The following WDR90 variants were observed in gnomAD, a reference collection of about 807,000 sequenced individuals.
WDR90 encodes the protein WD repeat domain 90, also known as WD repeat-containing protein 90.
A neutral mutation model predicts 195.2 loss-of-function variants in WDR90; 238 were observed. The observed-to-expected ratio is 1.22, with a 90% CI of 1.10 to 1.36. The LOEUF is 1.36. WDR90 is among the 40% of genes most tolerant of loss of function. WDR90 has a pLI of 0.00. For synonymous variants in WDR90, 1,265 were observed against 1,052.4 expected (o/e 1.20, Z -3.91); for missense variants, 2,734 against 2,439.5 (o/e 1.12, Z -2.54).
At chr16:665,881 C>T (rs567738570) in intron 35 of WDR90, 69 bp from the exon 36 acceptor site, 2 of 1,553,838 alleles carry the variant, frequency 1.3e-6, no homozygotes, top group Admixed American at 1.8e-5. Context: ...GCCGCCTCCT[C>T]CCTCTGGCCT....
Position 651,680 on chromosome 16 carries a change from C to T in WDR90, c.773C>T (p.Pro258Leu), listed in dbSNP as rs773855468. Reference protein sequence around the residue: ...LGPGPQPLPCPVASSKPVRFS... With the variant: ...LGPGPQPLPCLVASSKPVRFS... The stretch of plus-strand genomic sequence containing the variant: ...CCGGGGCCACAGCCTCTCCCTTGCC[C>T]GGTGGCCTCCAGCAAACCTGTGCGG... Residue 258 changes from proline (P) to leucine (L), a missense_variant, in exon 8 of 41, where the codon CCG becomes CTG. Physicochemically the swap from Pro to Leu is moderately conservative, Grantham distance 98. Coordinates refer to ENST00000293879, the MANE Select transcript of WDR90 (RefSeq NM_145294.5). The T allele has an allele frequency of 5.5e-5, 89 of 1,612,956 alleles. No homozygotes were observed. The highest frequency in any genetic ancestry group is 4.2e-4 in the Admixed American group (25 of 60,026).
intron 34 of WDR90, 92 bp from the exon 35 acceptor site, chr16:665,587 A>G (rs772955555): frequency 6.3e-7 from 1 of 1,599,290 alleles, no homozygotes. Flanking sequence ...TGGTTTGGAC[A>G]GCCCGGCCCT....
At chr16:660,871 G>C (rs867824833) in intron 28 of WDR90, 157 bp downstream of exon 28, 19 of 908,108 alleles carry the variant, frequency 2.1e-5, no homozygotes, top group Middle Eastern at 6.9e-4. Flanking sequence ...TCCAGCCGAG[G>C]TCCTGTGAAG....
chr16:653,464 C>G lies in WDR90; in HGVS notation c.1233+13C>G, dbSNP rs371142445. On this transcript the variant is annotated intron_variant, in intron 11 of 40. Coordinates refer to ENST00000293879, the MANE Select transcript of WDR90 (RefSeq NM_145294.5). ...CCACACAGACAAGGTGGGTGCTGCC[C>G]GGGCCTGGGGCAGCTCACACCTGCA... The G allele has an allele frequency of 3.1e-6, 5 of 1,612,332 alleles. No individual in the cohort carries two copies. The highest frequency in any genetic ancestry group is 1.7e-5 in the Admixed American group (1 of 59,850).
chr16:655,055 G>C lies in WDR90; in HGVS notation c.1464G>C (p.Gln488His). ...TGGTGGTGGCCTGGGGCACCGGCCA[G>C]GTGGGCCTCGGTGGCGAGGTGGTCG... ...RTMVVAWGTG[Q>H]VGLGGEVVVL... Residue 488 changes from glutamine to histidine, a missense_variant, in exon 14 of 41, where the codon CAG (glutamine) becomes CAC (histidine). Physicochemically the swap from Gln to His is conservative, Grantham distance 24 (BLOSUM62 0). Coordinates refer to ENST00000293879, the MANE Select transcript of WDR90 (RefSeq NM_145294.5). 3 of 1,612,744 alleles carry C rather than the reference G, an allele frequency of 1.9e-6. No individual in the cohort carries two copies. The highest frequency in any genetic ancestry group is 2.2e-5 in the South Asian group (2 of 91,082).
intron 10 of WDR90, 28 bp downstream of exon 10, chr16:652,563 C>A: frequency 6.3e-7 from 1 of 1,584,658 alleles, no homozygotes. Flanking sequence ...GTGTCCAGAG[C>A]AGCTCTCGTT....
chr16:666,269 C>G lies in WDR90; in HGVS notation c.4659C>G (p.His1553Gln), dbSNP rs1009241349. 1.7e-5 allele frequency: 27 copies of G among 1,612,726 alleles called. No homozygotes were observed. Among genetic ancestry groups the G allele is most frequent in the Non-Finnish European group, 2.3e-5 (27 of 1,179,982 alleles). Residue 1553 changes from histidine (H) to glutamine (Q), a missense_variant, in exon 37 of 41, where the codon CAC becomes CAG. Transcript: ENST00000293879. ...GDKDGLVAVS[H>Q]PCTGTTFRVL... ...AGGATGGGCTCGTGGCTGTGAGCCA[C>G]CCCTGCACAGGGACAACCTTCCGTG...
rs753617422 is a variant in WDR90 at position 656,338 on chromosome 16, C to G, written c.2003C>G (p.Pro668Arg). Residue 668 changes from proline to arginine, a missense_variant, in exon 18 of 41, where the codon CCC becomes CGC. Physicochemically the swap from Pro to Arg is moderately radical, Grantham distance 103. Coordinates refer to ENST00000293879, the MANE Select transcript of WDR90 (RefSeq NM_145294.5). Reference protein sequence around the residue: ...EGPVSSVCVSPDGLRVLSATS... With the variant: ...EGPVSSVCVSRDGLRVLSATS... ...CCCGTCAGCTCAGTCTGTGTCAGCC[C>G]CGATGGCCTCCGTGTGCTGTCTGCC... is the stretch of plus-strand genomic sequence containing the variant. 1.2e-6 allele frequency: 2 copies of G among 1,609,506 alleles called. No homozygotes were observed. Among genetic ancestry groups the G allele is most frequent in the South Asian group, 2.2e-5 (2 of 90,946 alleles).
At chr16:657,388 G>C (rs1351884211) in intron 20 of WDR90, 167 bp downstream of exon 20, 20 of 1,144,292 alleles carry the variant, frequency 1.7e-5, no homozygotes, top group Non-Finnish European at 2.2e-5. Context: ...AGGAGACTGT[G>C]GTTTAGCGTT....
chr16:650,391 C>T (rs201217721), intron 4 of WDR90, 29 bp downstream of exon 4: 83 of 1,601,798 alleles, frequency 5.2e-5, no homozygotes, highest in Non-Finnish European at 6.3e-5. Flanking sequence ...GTGGATGATC[C>T]AGGACAGGTG....
In WDR90 at chr16:659,071, C is replaced by T. The variant is rs1157786705; in HGVS notation, c.3012-15C>T. On this transcript the variant is annotated splice_polypyrimidine_tract_variant and intron_variant, in intron 24 of 40. Coordinates refer to ENST00000293879, the MANE Select transcript of WDR90 (RefSeq NM_145294.5). The stretch of plus-strand genomic sequence containing the variant: ...CCCCCAGGCCCTCCTGAAACCCTCT[C>T]TCCTCCCTCTCCAGCGACCAAAGCT... 1 of 1,613,216 alleles carries T rather than the reference C, an allele frequency of 6.2e-7. No individual in the cohort carries two copies. The highest frequency in any genetic ancestry group is 8.5e-7 in the Non-Finnish European group (1 of 1,179,968).
Position 658,896 on chromosome 16 carries a change from G to A in WDR90, c.2896G>A (p.Val966Met), listed in dbSNP as rs765429400. Residue 966 changes from valine to methionine, a missense_variant and splice_region_variant, in exon 24 of 41, where the codon GTG (valine) becomes ATG (methionine). Coordinates refer to ENST00000293879, the MANE Select transcript of WDR90 (RefSeq NM_145294.5). ...YATQASPGPQ[V>M]YIGHSEPVQA... Reference sequence around the variant, plus strand: ...CTGCATGTGACGCCGCTACCCCTAGGTGTACATCGGCCACTCGGAACCCGT... The same window carrying A: ...CTGCATGTGACGCCGCTACCCCTAGATGTACATCGGCCACTCGGAACCCGT... The A allele has an allele frequency of 1.9e-6, 3 of 1,611,702 alleles. No homozygotes were observed. Among genetic ancestry groups the A allele is most frequent in the South Asian group, 1.1e-5 (1 of 91,076 alleles).
rs745308705 is a variant in WDR90 at position 666,277 on chromosome 16, C to T, written c.4667C>T (p.Thr1556Ile). 1.9e-6 allele frequency: 3 copies of T among 1,612,760 alleles called. No homozygotes were observed. Among genetic ancestry groups the T allele is most frequent in the South Asian group, 1.1e-5 (1 of 91,092 alleles). Reference sequence around the variant, plus strand: ...CTCGTGGCTGTGAGCCACCCCTGCACAGGGACAACCTTCCGTGTGCTGAGT... The same window carrying T: ...CTCGTGGCTGTGAGCCACCCCTGCATAGGGACAACCTTCCGTGTGCTGAGT... ...DGLVAVSHPC[T>I]GTTFRVLSDH... The change falls in exon 37 of 41, where the codon ACA becomes ATA. Residue 1556 changes from threonine to isoleucine, a missense_variant. Thr to Ile is a moderately conservative substitution (Grantham distance 89). Coordinates refer to ENST00000293879, the MANE Select transcript of WDR90 (RefSeq NM_145294.5).
chr16:654,060 C>T (rs1189242413), intron 13 of WDR90: 21 of 524,914 alleles, frequency 4.0e-5, no homozygotes, highest in East Asian at 3.7e-4. Flanking sequence ...TTACACACCT[C>T]GCCTCGTTCT....
chr16:659,016 G>A lies in WDR90; in HGVS notation c.3011+5G>A. On this transcript the variant is annotated splice_donor_5th_base_variant and intron_variant, in intron 24 of 40. Coordinates refer to ENST00000293879, the MANE Select transcript of WDR90 (RefSeq NM_145294.5). Reference sequence around the variant, plus strand: ...TGTCCTGGCCCCTACTGAGAGGCAAGTGCCTACTCTCAGCTGTGTCTGCCT... The same window carrying A: ...TGTCCTGGCCCCTACTGAGAGGCAAATGCCTACTCTCAGCTGTGTCTGCCT... 6.2e-7 allele frequency: 1 copy of A among 1,613,220 alleles called. No homozygotes were observed. The highest frequency in any genetic ancestry group is 1.7e-5 in the Admixed American group (1 of 60,016).
At position 651,829 on chromosome 16, in the gene WDR90, C is replaced by A. The variant is rs376039715; in HGVS notation, c.843C>A (p.Ser281=). 6.2e-7 allele frequency: 1 copy of A among 1,610,188 alleles called. No individual in the cohort carries two copies. Among genetic ancestry groups the A allele is most frequent in the African/African-American group, 1.3e-5 (1 of 74,930 alleles). Residue 281 remains serine, a splice_region_variant and synonymous_variant, in exon 9 of 41, where the codon TCC becomes TCA. Transcript: ENST00000293879. ...GATGGGCACTTGTCCCCCAGCAGTC[C>A]GGCCGGGCCGCCTTGGCACCCAGGC... The part of the protein sequence containing the change: ...PVVQTPSPTA[S]GRAALAPRPF...
At chr16:661,821 G>T in intron 31 of WDR90, 34 bp downstream of exon 31, 1 of 1,587,042 alleles carries the variant, frequency 6.3e-7, no homozygotes, top group Non-Finnish European at 8.6e-7. Context: ...CCCAGGGGTT[G>T]TTTTGTGGGG....
In WDR90 at chr16:658,088, T is replaced by C. The variant is rs570957461; in HGVS notation, c.2605-95T>C. 15 of 1,507,500 alleles carry C rather than the reference T, an allele frequency of 1.0e-5. No individual in the cohort carries two copies. In the South Asian group the frequency reaches 1.5e-4, roughly 15 times the overall value. 93.4% of individuals were successfully genotyped at this position (1,507,500 alleles called of 1,614,324 possible). A position where few individuals can be genotyped will look rare whatever the true frequency, so the allele number is the denominator to read the frequency against. Reference sequence around the variant, plus strand: ...GGGCAGGTGCTGCCTGGGTGCCGAGTGCGTGTCCCCGGGACCTCCCTCCCG... The same window carrying C: ...GGGCAGGTGCTGCCTGGGTGCCGAGCGCGTGTCCCCGGGACCTCCCTCCCG... On this transcript the variant is annotated intron_variant, in intron 21 of 40. Coordinates refer to ENST00000293879, the MANE Select transcript of WDR90 (RefSeq NM_145294.5).
intron 10 of WDR90, 40 bp from the exon 11 acceptor site, chr16:653,301 G>A: frequency 1.4e-6 from 2 of 1,450,810 alleles, no homozygotes; most frequent in Non-Finnish European, 1.8e-6. Flanking sequence ...GAGGGGCCTG[G>A]CGTAGCACCG....
Sources: allele counts gnomAD v4.1 joint callset, GRCh38; gene constraint gnomAD v4.1.1; transcripts MANE v1.5; gene names NCBI Gene and HGNC (gene_info 2026-07-23, HGNC 2026-07-21).